The following SOCS5 variants were observed in gnomAD, a reference collection of about 807,000 sequenced individuals.
The protein encoded by SOCS5 is suppressor of cytokine signaling 5, also known as CIS-6.
A neutral mutation model predicts 42.8 loss-of-function variants in SOCS5; 32 were observed. The observed-to-expected ratio is 0.75, with a 90% confidence interval of 0.56 to 1.01. The LOEUF is 1.01. Ranked by LOEUF, SOCS5 falls within the 50% of genes least tolerant of loss-of-function variation. The pLI, the probability that SOCS5 is intolerant of heterozygous loss-of-function variation, is 0.00. For synonymous variants in SOCS5, 283 were observed against 229.6 expected, an observed-to-expected ratio of 1.23 and a Z score of -2.10; for missense variants, 627 against 653.0, an observed-to-expected ratio of 0.96 and a Z score of 0.43.
Position 46,753,810 on chromosome 2 carries a change from A to G in SOCS5, c.-12-4709A>G, listed in dbSNP as rs1343618561. ...GTTCCTCCCCTTTTCAGACCATGTA[A>G]GGTAACTTCCTGACATTGCTGTGGC... On this transcript the variant is annotated intron_variant, in intron 1 of 1. Transcript: ENST00000394861. Among the ~76,000 whole-genome samples the G allele has an allele frequency of 3.3e-5, 5 of 152,142 alleles. No individual in the cohort carries two copies. In the East Asian group the frequency reaches 7.7e-4, roughly 23 times the overall value.
intron 1 of SOCS5, among the ~76,000 whole-genome samples, chr2:46,757,263 G>A (rs907331958): frequency 1.3e-5 from 2 of 152,158 alleles, no homozygotes; most frequent in Non-Finnish European, 2.9e-5. Flanking sequence ...GGCAAGATCA[G>A]CTAAAGTTTT....
At chr2:46,743,058 T>G (rs1444811791) in intron 1 of SOCS5, among the ~76,000 whole-genome samples, 1 of 152,168 alleles carries the variant, frequency 6.6e-6, no homozygotes, top group African/African-American at 2.4e-5. Flanking sequence ...TTACTCAATT[T>G]TAGGCCCCAA....
intron 1 of SOCS5, among the ~76,000 whole-genome samples, chr2:46,748,627 A>T (rs1558411507): frequency 6.6e-6 from 1 of 152,182 alleles, no homozygotes. Context: ...TTTTAGAGCT[A>T]AAATTTGGCA....
At chr2:46,716,045 T>A (rs957797103) in intron 1 of SOCS5, among the ~76,000 whole-genome samples, 1 of 152,074 alleles carries the variant, frequency 6.6e-6, no homozygotes, top group Non-Finnish European at 1.5e-5. Flanking sequence ...ATTTTTTTGT[T>A]AATAGCTTCT....
intron 1 of SOCS5, among the ~76,000 whole-genome samples, chr2:46,757,297 CA>C (rs910534467): frequency 2.6e-5 from 4 of 152,106 alleles, no homozygotes; most frequent in Non-Finnish European, 5.9e-5. Flanking sequence ...GTGACAAAAC[CA>C]ATTGAATTTT....
At chr2:46,721,326 G>GGCAA (rs2103712521) in intron 1 of SOCS5, among the ~76,000 whole-genome samples, 1 of 152,192 alleles carries the variant, frequency 6.6e-6, no homozygotes, top group South Asian at 2.1e-4. Flanking sequence ...AAGTCTCTGA[G>GGCAA]GCCCTGTATC....
At chr2:46,700,569 T>C (rs1188210225) in intron 1 of SOCS5, among the ~76,000 whole-genome samples, 1 of 152,248 alleles carries the variant, frequency 6.6e-6, no homozygotes, top group Non-Finnish European at 1.5e-5. Context: ...ACGGATTCTA[T>C]ATAAGTTTTA....
chr2:46,724,664 G>C (rs6731970), intron 1 of SOCS5, among the ~76,000 whole-genome samples: 1 of 151,802 alleles, frequency 6.6e-6, no homozygotes, highest in South Asian at 2.1e-4. Context: ...TAAATATCTA[G>C]ATTTTTGGAG....
chr2:46,735,095 A>G (rs1359324861), intron 1 of SOCS5, among the ~76,000 whole-genome samples: 2 of 152,206 alleles, frequency 1.3e-5, no homozygotes, highest in Non-Finnish European at 2.9e-5. Context: ...AGTTAGGATT[A>G]GTTGGGTACG....
intron 1 of SOCS5, among the ~76,000 whole-genome samples, chr2:46,733,778 G>A (rs1049024150): frequency 6.6e-6 from 1 of 152,122 alleles, no homozygotes. Context: ...GTGCTCCTTA[G>A]CAAGTGTTTT....
rs1673853670 is a variant in SOCS5 at position 46,760,914 on chromosome 2, T to G, written c.*773T>G. 1 of 167,106 alleles carries G rather than the reference T, an allele frequency of 6.0e-6. No homozygotes were observed. Among genetic ancestry groups the G allele is most frequent in the Non-Finnish European group, 1.5e-5 (1 of 68,124 alleles). The allele number at this position is 167,106 out of a possible 1,614,324, so 10.4% of individuals were successfully genotyped here. Reference sequence around the variant, plus strand: ...TTTTTTTTTAAGTTGATGTGCAGTCTAATTGTTGTTTCATAAAAGTTGGAT... The same window carrying G: ...TTTTTTTTTAAGTTGATGTGCAGTCGAATTGTTGTTTCATAAAAGTTGGAT... On this transcript the variant is annotated 3_prime_UTR_variant, in exon 2 of 2. Transcript: ENST00000394861.
chr2:46,701,516 C>G (rs922525483), intron 1 of SOCS5, among the ~76,000 whole-genome samples: 4 of 152,116 alleles, frequency 2.6e-5, no homozygotes, highest in African/African-American at 9.7e-5. Context: ...GGACTCCAGT[C>G]CAGAGATTGC....
At chr2:46,727,573 C>T (rs1673025810) in intron 1 of SOCS5, among the ~76,000 whole-genome samples, 1 of 152,104 alleles carries the variant, frequency 6.6e-6, no homozygotes, top group African/African-American at 2.4e-5. Flanking sequence ...ATTTCAATGT[C>T]AGTTTGTTTT....
chr2:46,728,160 G>T (rs1422907983), intron 1 of SOCS5, among the ~76,000 whole-genome samples: 1 of 152,106 alleles, frequency 6.6e-6, no homozygotes, highest in Non-Finnish European at 1.5e-5. Context: ...CAGGTGGCAG[G>T]ATACAAGAGG....
At chr2:46,704,169 A>G (rs1323658208) in intron 1 of SOCS5, among the ~76,000 whole-genome samples, 1 of 152,224 alleles carries the variant, frequency 6.6e-6, no homozygotes, top group Non-Finnish European at 1.5e-5. Flanking sequence ...AGTGATGAAG[A>G]TAATTTTTTT....
chr2:46,748,095 C>A (rs1006337353), intron 1 of SOCS5, among the ~76,000 whole-genome samples: 2 of 152,160 alleles, frequency 1.3e-5, no homozygotes, highest in East Asian at 1.9e-4. Flanking sequence ...TAAAAGTTAT[C>A]CTTATTTGCC....
intron 1 of SOCS5, among the ~76,000 whole-genome samples, chr2:46,737,856 T>TAA (rs397872452): frequency 6.3e-5 from 9 of 141,800 alleles, no homozygotes; most frequent in African/African-American, 2.3e-4. Context: ...CTGTCCTTTC[T>TAA]AAAAAAAAAA....
At chr2:46,731,706 A>G (rs188211573) in intron 1 of SOCS5, among the ~76,000 whole-genome samples, 9 of 152,360 alleles carry the variant, frequency 5.9e-5, no homozygotes, top group Admixed American at 2.6e-4. Flanking sequence ...AATGAGATGT[A>G]TACATTCTTA....
chr2:46,720,525 A>C (rs985294296), intron 1 of SOCS5, among the ~76,000 whole-genome samples: 9 of 152,220 alleles, frequency 5.9e-5, no homozygotes, highest in African/African-American at 1.9e-4. Flanking sequence ...TGGCATTTCT[A>C]AAACAGCTTG....
Sources: gnomAD v4.1 joint callset for allele counts (sites outside exome capture counted in the v4.1 genomes callset) on GRCh38, gnomAD v4.1.1 for gene constraint, MANE v1.5 for transcripts, NCBI Gene and HGNC (gene_info 2026-07-23, HGNC 2026-07-21) for gene names.